FMN1: variants seen among roughly 807,000 people sequenced by gnomAD.
The protein encoded by FMN1 is formin-1.
FMN1 carries 110 observed loss-of-function variants against 132.4 expected under a neutral mutation model. The observed-to-expected ratio is 0.83, with a 90% CI of 0.71 to 0.97. FMN1 has a LOEUF of 0.97. FMN1 is among the 50% of genes least tolerant of loss of function. The pLI, the probability that FMN1 is intolerant of heterozygous loss-of-function variation, is 0.00. For synonymous variants in FMN1, 722 were observed against 651.7 expected, an observed-to-expected ratio of 1.11 and a Z score of -1.64; for missense variants, 1,792 against 1,705.3, an observed-to-expected ratio of 1.05 and a Z score of -0.90.
intron 5 of FMN1, among the ~76,000 whole-genome samples, chr15:33,080,651 C>T (rs1235525011): frequency 1.3e-5 from 2 of 152,098 alleles, no homozygotes; most frequent in African/African-American, 4.8e-5. Context: ...CTTTGGGAGG[C>T]TGAGGTGGGC....
At chr15:32,994,371 T>G (rs576322897) in intron 7 of FMN1, among the ~76,000 whole-genome samples, 42 of 152,218 alleles carry the variant, frequency 2.8e-4, no homozygotes, top group African/African-American at 8.9e-4. Flanking sequence ...TCTCCTGTTT[T>G]TCCTGTGCTT....
chr15:32,967,053 C>G (rs1308214814), intron 8 of FMN1, among the ~76,000 whole-genome samples: 3 of 152,208 alleles, frequency 2.0e-5, no homozygotes, highest in South Asian at 2.1e-4. Flanking sequence ...AAATGCGCAC[C>G]AAGCAGGGCT....
At chr15:32,817,225 C>G (rs144056653) in intron 17 of FMN1, among the ~76,000 whole-genome samples, 1 of 152,166 alleles carries the variant, frequency 6.6e-6, no homozygotes, top group Non-Finnish European at 1.5e-5. Context: ...ACTACCAGAA[C>G]GTCCTGTAAA....
chr15:33,132,859 C>T (rs921498850), intron 4 of FMN1, among the ~76,000 whole-genome samples: 28 of 152,122 alleles, frequency 1.8e-4, no homozygotes, highest in Admixed American at 1.2e-3. Context: ...AAGATGTCTC[C>T]ACAATAATCC....
At chr15:33,068,937 AAATCCT>A (rs2037874669) in intron 5 of FMN1, among the ~76,000 whole-genome samples, 1 of 152,198 alleles carries the variant, frequency 6.6e-6, no homozygotes, top group South Asian at 2.1e-4. Flanking sequence ...GCTGCCTTAG[AAATCCT>A]GGCAGCAGCA....
At chr15:32,996,482 A>G (rs1196077489) in intron 7 of FMN1, among the ~76,000 whole-genome samples, 3 of 152,214 alleles carry the variant, frequency 2.0e-5, no homozygotes, top group Non-Finnish European at 4.4e-5. Flanking sequence ...ATCCAGAATC[A>G]AAGTCACATC....
intron 4 of FMN1, among the ~76,000 whole-genome samples, chr15:33,132,811 A>G (rs1324683794): frequency 6.6e-6 from 1 of 152,094 alleles, no homozygotes; most frequent in African/African-American, 2.4e-5. Context: ...TCCCATGCAC[A>G]TGCCTGCCTG....
chr15:32,962,093 A>G (rs1401450348), intron 9 of FMN1, among the ~76,000 whole-genome samples: 3 of 151,172 alleles, frequency 2.0e-5, no homozygotes, highest in Admixed American at 1.3e-4. Flanking sequence ...TATAAGCTCC[A>G]CAGGGCAAGG....
intron 17 of FMN1, among the ~76,000 whole-genome samples, chr15:32,842,704 A>G (rs2058770832): frequency 6.6e-6 from 1 of 152,122 alleles, no homozygotes; most frequent in Non-Finnish European, 1.5e-5. Context: ...CAAACGGCTG[A>G]CATTTTTTAG....
At chr15:33,112,513 G>C (rs1276661579) in intron 4 of FMN1, among the ~76,000 whole-genome samples, 1 of 152,074 alleles carries the variant, frequency 6.6e-6, no homozygotes, top group Non-Finnish European at 1.5e-5. Context: ...TAGAGATGCC[G>C]AACCTAAGAG....
intron 4 of FMN1, among the ~76,000 whole-genome samples, chr15:33,137,676 G>T (rs984727937): frequency 6.6e-6 from 1 of 152,106 alleles, no homozygotes; most frequent in Non-Finnish European, 1.5e-5. Flanking sequence ...TATGTAAAAT[G>T]CTTGCACATT....
intron 3 of FMN1, among the ~76,000 whole-genome samples, chr15:33,176,749 A>C (rs1965528837): frequency 6.6e-6 from 1 of 152,336 alleles, no homozygotes; most frequent in African/African-American, 2.4e-5. Context: ...TAGCCTTCAC[A>C]GGAAGATTAT....
intron 4 of FMN1, chr15:33,150,759 A>T (rs1053394545): frequency 3.1e-5 from 31 of 985,792 alleles, no homozygotes; most frequent in Non-Finnish European, 3.7e-5. Context: ...TCTTAATGAC[A>T]TCACTTCAAT....
chr15:32,831,548 G>A (rs2058501736), intron 17 of FMN1, among the ~76,000 whole-genome samples: 1 of 152,122 alleles, frequency 6.6e-6, no homozygotes. Flanking sequence ...GAGGCTGCAG[G>A]GGAGGAAAGT....
intron 16 of FMN1, among the ~76,000 whole-genome samples, chr15:32,863,186 G>A (rs2059312898): frequency 6.6e-6 from 1 of 152,210 alleles, no homozygotes; most frequent in Non-Finnish European, 1.5e-5. Context: ...GCTCACGCCT[G>A]TAATCCCAGC....
intron 4 of FMN1, among the ~76,000 whole-genome samples, chr15:33,128,744 T>G (rs1361944051): frequency 6.6e-6 from 1 of 152,146 alleles, no homozygotes; most frequent in Non-Finnish European, 1.5e-5. Context: ...GGTGATGTGG[T>G]GAATTTTAAA....
intron 17 of FMN1, 149 bp downstream of exon 17, chr15:32,856,866 T>A: frequency 1.6e-6 from 1 of 624,346 alleles, no homozygotes; most frequent in Non-Finnish European, 2.9e-6. Context: ...ACCGTGAGTA[T>A]GTAACCACCA....
chr15:32,898,030 A>C (rs150410030), intron 15 of FMN1, among the ~76,000 whole-genome samples: 2 of 152,152 alleles, frequency 1.3e-5, no homozygotes, highest in Non-Finnish European at 2.9e-5. Flanking sequence ...AAATAGTTAG[A>C]TAAGCCCACC....
At chr15:33,048,314 T>A (rs1245303929) in intron 6 of FMN1, among the ~76,000 whole-genome samples, 3 of 152,040 alleles carry the variant, frequency 2.0e-5, no homozygotes, top group Non-Finnish European at 1.5e-5. Context: ...AAAGAAGTTA[T>A]AAAGAAATGA....
Sources: allele counts gnomAD v4.1 joint callset (sites outside exome capture counted in the v4.1 genomes callset), GRCh38; gene constraint gnomAD v4.1.1; transcripts MANE v1.5; gene names NCBI Gene and HGNC (gene_info 2026-07-23, HGNC 2026-07-21).